LAMA3: variants seen among roughly 807,000 people sequenced by gnomAD.
LAMA3 encodes the protein laminin subunit alpha-3.
A neutral mutation model predicts 402.0 loss-of-function variants in LAMA3; 281 were observed. That is an observed-to-expected ratio of 0.70 (90% CI 0.63 to 0.77). The LOEUF (loss-of-function observed/expected upper bound fraction) is 0.77. Among genes scored for constraint, LAMA3 ranks in the 30% least tolerant of loss-of-function variants. The pLI, the probability that LAMA3 is intolerant of heterozygous loss-of-function variation, is 0.00. For missense variants in LAMA3, 3,840 were observed against 4,215.5 expected (o/e 0.91, Z 2.47); for synonymous variants, 1,431 against 1,558.4 (o/e 0.92, Z 1.93).
chr18:23,758,033 G>C (rs2061886759), intron 6 of LAMA3, among the ~76,000 whole-genome samples: 1 of 152,206 alleles, frequency 6.6e-6, no homozygotes, highest in South Asian at 2.1e-4. Flanking sequence ...ACACATCTCA[G>C]TAAAGTCAGC....
At chr18:23,823,411 T>C (rs938099682) in intron 20 of LAMA3, among the ~76,000 whole-genome samples, 1 of 152,218 alleles carries the variant, frequency 6.6e-6, no homozygotes, top group Non-Finnish European at 1.5e-5. Flanking sequence ...TTAACTCAAA[T>C]AGTTGGAATA....
At chr18:23,720,781 A>G (rs941445250) in intron 2 of LAMA3, among the ~76,000 whole-genome samples, 3 of 152,182 alleles carry the variant, frequency 2.0e-5, no homozygotes, top group Non-Finnish European at 2.9e-5. Flanking sequence ...TCCTTTAGTA[A>G]CTTCAAAGTG....
chr18:23,881,996 A>C lies in LAMA3; in HGVS notation c.5173A>C (p.Asn1725His). 1 of 1,614,096 alleles carries C rather than the reference A, an allele frequency of 6.2e-7. No homozygotes were observed. Among genetic ancestry groups the C allele is most frequent in the Non-Finnish European group, 8.5e-7 (1 of 1,179,986 alleles). Residue 1725 changes from asparagine to histidine, a missense_variant, in exon 40 of 75, where the codon AAC (asparagine) becomes CAC (histidine). Around this residue, in one of 3 missense-constraint regions of LAMA3, gnomAD observed 2,109 missense variants for 2,376.0 expected, o/e 0.89. Transcript: ENST00000313654. ...ACGCTGCCAGGAGGGCTACTATGGCAACGCCGTCCACGGATCCTGCAGGGC... is the reference window on the plus strand; with the variant it reads ...ACGCTGCCAGGAGGGCTACTATGGCCACGCCGTCCACGGATCCTGCAGGGC... The part of the protein sequence containing the change: ...CERCQEGYYG[N>H]AVHGSCRACP...
At chr18:23,845,770 A>G (rs1214230281) in intron 30 of LAMA3, among the ~76,000 whole-genome samples, 1 of 152,074 alleles carries the variant, frequency 6.6e-6, no homozygotes, top group Admixed American at 6.6e-5. Context: ...CCACTCCATA[A>G]CCTTGCAGCC....
intron 27 of LAMA3, among the ~76,000 whole-genome samples, chr18:23,841,142 G>A (rs2063692909): frequency 1.3e-5 from 2 of 152,132 alleles, no homozygotes; most frequent in Admixed American, 6.5e-5. Context: ...AATAATAGGG[G>A]GAAATGAGTT....
At chr18:23,900,406 C>T (rs1294767676) in intron 47 of LAMA3, among the ~76,000 whole-genome samples, 1 of 152,100 alleles carries the variant, frequency 6.6e-6, no homozygotes, top group African/African-American at 2.4e-5. Context: ...TTGACTGCAA[C>T]CTGTCACATG....
intron 39 of LAMA3, among the ~76,000 whole-genome samples, chr18:23,878,079 C>G (rs954900967): frequency 2.6e-5 from 4 of 152,156 alleles, no homozygotes; most frequent in Non-Finnish European, 5.9e-5. Context: ...GCACTCCAGC[C>G]TGGGTGACAG....
intron 12 of LAMA3, among the ~76,000 whole-genome samples, chr18:23,793,882 A>C (rs1329794146): frequency 6.6e-6 from 1 of 152,190 alleles, no homozygotes; most frequent in Non-Finnish European, 1.5e-5. Context: ...CTTCTGACGA[A>C]GCGGCTTCAG....
chr18:23,881,461 G>A (rs1036067746), intron 39 of LAMA3, among the ~76,000 whole-genome samples: 1 of 152,132 alleles, frequency 6.6e-6, no homozygotes, highest in Non-Finnish European at 1.5e-5. Context: ...AGTGCTAAGG[G>A]GAAGAAAGAA....
At chr18:23,872,552 T>C (rs968319399) in intron 38 of LAMA3, among the ~76,000 whole-genome samples, 2 of 152,148 alleles carry the variant, frequency 1.3e-5, no homozygotes, top group East Asian at 1.9e-4. Flanking sequence ...CCCAAGGTGA[T>C]CTGCGCATAC....
At position 23,858,795 on chromosome 18, in the gene LAMA3, A is replaced by G. The variant is rs371425044; in HGVS notation, c.4388A>G (p.Asn1463Ser). ...CTSCFCFGVN[N>S]QCHSSHKRRT... ...AGCTGTTTCTGTTTTGGAGTAAATA[A>G]TCAATGTCACAGCTCACATAAGCGA... The change falls in exon 34 of 75, where the codon AAT (asparagine) becomes AGT (serine). Residue 1463 changes from asparagine to serine, a missense_variant. Physicochemically the swap from Asn to Ser is conservative, Grantham distance 46 (BLOSUM62 1). Transcript: ENST00000313654. The G allele has an allele frequency of 3.7e-5, 59 of 1,614,120 alleles. No individual in the cohort carries two copies. The highest frequency in any genetic ancestry group is 4.5e-5 in the Non-Finnish European group (53 of 1,180,026).
intron 31 of LAMA3, among the ~76,000 whole-genome samples, chr18:23,846,970 T>C (rs2144632558): frequency 6.6e-6 from 1 of 152,238 alleles, no homozygotes; most frequent in African/African-American, 2.4e-5. Context: ...CTCAGAACCA[T>C]CTTGTGGTCC....
At chr18:23,739,140 G>C (rs953826199) in intron 2 of LAMA3, among the ~76,000 whole-genome samples, 1 of 152,122 alleles carries the variant, frequency 6.6e-6, no homozygotes, top group African/African-American at 2.4e-5. Flanking sequence ...GTGCAGGTTG[G>C]TGCCTCTGCA....
chr18:23,949,836 T>G lies in LAMA3; in HGVS notation c.9423T>G (p.Pro3141=). 2 of 1,614,034 alleles carry G rather than the reference T, an allele frequency of 1.2e-6. No individual in the cohort carries two copies. The highest frequency in any genetic ancestry group is 1.7e-6 in the Non-Finnish European group (2 of 1,179,960). ...FQLDSKPLYT[P]SSSFGVSSCL... ...TGGATTCAAAACCCTTGTATACCCC[T>G]TCTTCAAGCTTCGGGGTGTCTTCCT... Residue 3141 remains proline (P), a synonymous_variant, in exon 71 of 75, where the codon CCT becomes CCG. Transcript: ENST00000313654.
At chr18:23,827,007 A>G (rs1175295073) in intron 22 of LAMA3, among the ~76,000 whole-genome samples, 1 of 152,196 alleles carries the variant, frequency 6.6e-6, no homozygotes, top group Non-Finnish European at 1.5e-5. Context: ...AGGAGTGGCT[A>G]CCACCCTCCA....
chr18:23,773,573 CT>C lies in LAMA3; in HGVS notation c.1260del (p.Asp421MetfsTer48). On this transcript the variant is annotated frameshift_variant, in exon 9 of 75. Transcript: ENST00000313654. LOFTEE classifies it high-confidence loss of function. ...YRPYGVPVDA[P>X]DGCIPCSCDP... is the part of the protein sequence containing the mutation. The stretch of plus-strand genomic sequence containing the variant: ...CCTTATGGGGTTCCAGTGGATGCCC[CT>C]GATGGCTGCATCCGTAAGTTTCATT... 1 of 1,584,334 alleles carries C rather than the reference CT, an allele frequency of 6.3e-7. No individual in the cohort carries two copies. Among genetic ancestry groups the C allele is most frequent in the Non-Finnish European group, 8.6e-7 (1 of 1,161,314 alleles).
chr18:23,898,000 C>A (rs2080933347), intron 44 of LAMA3, among the ~76,000 whole-genome samples: 1 of 152,106 alleles, frequency 6.6e-6, no homozygotes, highest in Non-Finnish European at 1.5e-5. Context: ...ATTCTTTTAC[C>A]CAACACTGGT....
In LAMA3 at chr18:23,814,400, A is replaced by C. The variant is rs2063136505; in HGVS notation, c.1789-3A>C. The C allele has an allele frequency of 1.3e-6, 2 of 1,597,700 alleles. No homozygotes were observed. The highest frequency in any genetic ancestry group is 3.3e-4 in the Middle Eastern group (2 of 6,048). On this transcript the variant is annotated splice_region_variant and splice_polypyrimidine_tract_variant and intron_variant, in intron 14 of 74. Coordinates refer to ENST00000313654, the MANE Select transcript of LAMA3 (RefSeq NM_198129.4). Reference sequence around the variant, plus strand: ...CAAATGTTTGTTTGATTTTCATTCAAAGGGGTATTGCCAATGCAAGCTTCA... The same window carrying C: ...CAAATGTTTGTTTGATTTTCATTCACAGGGGTATTGCCAATGCAAGCTTCA...
chr18:23,742,654 G>A (rs1262943663), intron 2 of LAMA3, among the ~76,000 whole-genome samples: 4 of 128,252 alleles, frequency 3.1e-5, no homozygotes, highest in South Asian at 2.4e-4. Flanking sequence ...TCAAAAATGT[G>A]TGTGTGTGTG....
Sources: allele counts gnomAD v4.1 joint callset (sites outside exome capture counted in the v4.1 genomes callset), GRCh38; gene constraint gnomAD v4.1.1; regional missense constraint gnomAD v4.1.1; transcripts MANE v1.5; gene names NCBI Gene and HGNC (gene_info 2026-07-23, HGNC 2026-07-21).